MYOM2: variants seen among roughly 807,000 people sequenced by gnomAD.
MYOM2 encodes the protein myomesin-2.
MYOM2 carries 254 observed loss-of-function variants against 187.6 expected under a neutral mutation model. The observed-to-expected ratio is 1.35, with a 90% confidence interval of 1.22 to 1.50. The LOEUF (loss-of-function observed/expected upper bound fraction) is 1.50, where lower values mean the gene tolerates loss of function less well. Ranked by LOEUF, MYOM2 falls within the 40% of genes most tolerant of loss-of-function variation. MYOM2 has a pLI of 0.00. For synonymous variants in MYOM2, 981 were observed against 753.8 expected (o/e 1.30, Z -4.94); for missense variants, 2,796 against 1,924.0 (o/e 1.45, Z -8.48).
chr8:2,086,856 A>G (rs920338028), intron 14 of MYOM2, among the ~76,000 whole-genome samples: 2 of 152,186 alleles, frequency 1.3e-5, no homozygotes, highest in African/African-American at 2.4e-5. Flanking sequence ...CACAAGCCGT[A>G]TGGCCACTGG....
chr8:2,096,046 A>T (rs1351950189), intron 17 of MYOM2, among the ~76,000 whole-genome samples: 1 of 152,136 alleles, frequency 6.6e-6, no homozygotes, highest in African/African-American at 2.4e-5. Flanking sequence ...ATAAATTTTT[A>T]TTTATTTTTG....
At chr8:2,100,288 C>G (rs1352342261) in intron 19 of MYOM2, among the ~76,000 whole-genome samples, 1 of 151,962 alleles carries the variant, frequency 6.6e-6, no homozygotes, top group Non-Finnish European at 1.5e-5. Flanking sequence ...AAAAGTCATT[C>G]TAGTTTCCCG....
chr8:2,052,021 C>T, intron 2 of MYOM2, 137 bp from the exon 3 acceptor site: 1 of 1,016,240 alleles, frequency 9.8e-7, no homozygotes, highest in Non-Finnish European at 1.5e-6. Flanking sequence ...TCTCATATGC[C>T]TGTGCATGTG....
At chr8:2,110,405 T>G (rs1797029696) in intron 25 of MYOM2, among the ~76,000 whole-genome samples, 1 of 152,222 alleles carries the variant, frequency 6.6e-6, no homozygotes, top group Non-Finnish European at 1.5e-5. Flanking sequence ...AAAATGAACC[T>G]TAACAATTAT....
intron 17 of MYOM2, among the ~76,000 whole-genome samples, chr8:2,095,453 G>A (rs1275827290): frequency 2.0e-5 from 3 of 152,006 alleles, no homozygotes; most frequent in Non-Finnish European, 4.4e-5. Flanking sequence ...ACCACGCCCA[G>A]CTAATTTTTT....
At chr8:2,059,285 A>G in intron 6 of MYOM2, 40 bp downstream of exon 6, 1 of 1,566,608 alleles carries the variant, frequency 6.4e-7, no homozygotes, top group Non-Finnish European at 8.8e-7. Flanking sequence ...GGCGTCCAGT[A>G]ATCAGCATTG....
At position 2,050,752 on chromosome 8, in the gene MYOM2, T is replaced by C; in HGVS notation, c.-12-3T>C. 2 of 1,584,580 alleles carry C rather than the reference T, an allele frequency of 1.3e-6. No homozygotes were observed. The highest frequency in any genetic ancestry group is 1.7e-6 in the Non-Finnish European group (2 of 1,153,778). On this transcript the variant is annotated splice_region_variant and splice_polypyrimidine_tract_variant and intron_variant, in intron 1 of 36. Transcript: ENST00000262113. Reference sequence around the variant, plus strand: ...TCAGTGTTGTGTGTGACTCTCTTTGTAGGAGCACGCCAAGATGTCCCTTGT... The same window carrying C: ...TCAGTGTTGTGTGTGACTCTCTTTGCAGGAGCACGCCAAGATGTCCCTTGT...
chr8:2,086,308 C>T lies in MYOM2; in HGVS notation c.1644+918C>T, dbSNP rs1158354568. On this transcript the variant is annotated intron_variant, in intron 14 of 36. Transcript: ENST00000262113. ...ACTGTCGTGATCTCCGCGTGGCCCC[C>T]CACAGTCGTGATCTCTGCGTGGCCC... Among the ~76,000 whole-genome samples the T allele has an allele frequency of 2.0e-4, 17 of 86,840 alleles. 1 individual carries two copies. Among genetic ancestry groups the T allele is most frequent in the African/African-American group, 4.9e-4 (9 of 18,480 alleles). The allele number at this position is 86,840 out of a possible 152,430, so 57.0% of individuals were successfully genotyped here. A position where few individuals can be genotyped will look rare whatever the true frequency, so the allele number is the denominator to read the frequency against.
chr8:2,078,667 A>T (rs1273452009), intron 11 of MYOM2, 67 bp from the exon 12 acceptor site: 1 of 1,402,050 alleles, frequency 7.1e-7, no homozygotes, highest in Non-Finnish European at 1.0e-6. Flanking sequence ...ATATGCATAT[A>T]CCTATGTATA....
chr8:2,100,129 T>TTCCTTCTTTCTTTCCTTCC (rs1796648799), intron 19 of MYOM2, among the ~76,000 whole-genome samples: 1 of 45,528 alleles, frequency 2.2e-5, no homozygotes, highest in African/African-American at 8.2e-5. Flanking sequence ...TCCTTCCTTC[T>TTCCTTCTTTCTTTCCTTCC]TTCCTTCCTT....
Position 2,108,848 on chromosome 8 carries a change from C to T in MYOM2, c.3043+18C>T, listed in dbSNP as rs1796977496. On this transcript the variant is annotated intron_variant, in intron 24 of 36. Transcript: ENST00000262113. ...GAACCCCAGTAAGTAAGCCTCCAGC[C>T]CTTCCCCTCTGCTTGCAGCTGCTGG... 3 of 1,613,338 alleles carry T rather than the reference C, an allele frequency of 1.9e-6. No homozygotes were observed. Among genetic ancestry groups the T allele is most frequent in the Non-Finnish European group, 2.5e-6 (3 of 1,179,602 alleles).
intron 32 of MYOM2, among the ~76,000 whole-genome samples, 162 bp downstream of exon 32, chr8:2,129,394 G>A: frequency 6.6e-6 from 1 of 152,174 alleles, no homozygotes; most frequent in Non-Finnish European, 1.5e-5. Context: ...AGGGAAGGGG[G>A]CCCTCACGGC....
At chr8:2,076,307 G>C (rs747414404) in intron 11 of MYOM2, 25 bp downstream of exon 11, 1 of 1,611,252 alleles carries the variant, frequency 6.2e-7, no homozygotes, top group East Asian at 2.2e-5. Flanking sequence ...TTCTCCCGGG[G>C]ATGGGAACGT....
intron 18 of MYOM2, among the ~76,000 whole-genome samples, chr8:2,097,842 C>G (rs1796546020): frequency 6.6e-6 from 1 of 152,212 alleles, no homozygotes; most frequent in Non-Finnish European, 1.5e-5. Flanking sequence ...AAATGTTTTT[C>G]AAATATGTCT....
rs1305489381 is a variant in MYOM2 at position 2,106,707 on chromosome 8, G to A, written c.2998+110G>A. On this transcript the variant is annotated intron_variant, in intron 23 of 36. Transcript: ENST00000262113. ...CTTAGAAAAAAGACGTATGTTTGCA[G>A]GAGGCTGGCGGTGGGGGCTATGTAT... The A allele has an allele frequency of 6.4e-6, 5 of 784,918 alleles. No homozygotes were observed. In the African/African-American group the frequency reaches 7.0e-5, roughly 11 times the overall value. 48.6% of individuals were successfully genotyped at this position (784,918 alleles called of 1,614,324 possible).
At chr8:2,092,572 C>T (rs777795857) in intron 16 of MYOM2, 52 bp downstream of exon 16, 13 of 1,583,920 alleles carry the variant, frequency 8.2e-6, no homozygotes, top group African/African-American at 2.7e-5. Flanking sequence ...GTAGCAAGAC[C>T]GTTGAGGTCC....
intron 15 of MYOM2, 85 bp from the exon 16 acceptor site, chr8:2,092,261 C>T (rs929668031): frequency 2.0e-6 from 3 of 1,483,036 alleles, no homozygotes; most frequent in South Asian, 2.5e-5. Context: ...CTGTCCAGTT[C>T]CCTGTGAAAA....
chr8:2,094,986 C>T (rs774768056), intron 17 of MYOM2, among the ~76,000 whole-genome samples: 2 of 152,160 alleles, frequency 1.3e-5, no homozygotes, highest in African/African-American at 2.4e-5. Context: ...CATTTTGAAA[C>T]ACAAATGCCA....
rs761514238 is a variant in MYOM2 at position 2,106,380 on chromosome 8, T to C, written c.2873T>C (p.Ile958Thr). 3.7e-6 allele frequency: 6 copies of C among 1,613,994 alleles called. No homozygotes were observed. The highest frequency in any genetic ancestry group is 3.3e-4 in the Middle Eastern group (2 of 6,084). Residue 958 changes from isoleucine (I) to threonine (T), a missense_variant, in exon 22 of 37, where the codon ATT (isoleucine) becomes ACT (threonine). Coordinates refer to ENST00000262113, the MANE Select transcript of MYOM2 (RefSeq NM_003970.4). Reference protein sequence around the residue: ...EEISDDERFKIETVGDHSKLY... With the variant: ...EEISDDERFKTETVGDHSKLY... ...ATTTCAGATGATGAGAGGTTTAAAATTGAAACCGTGGGGGATCAGTAAGTG... is the reference window on the plus strand; with the variant it reads ...ATTTCAGATGATGAGAGGTTTAAAACTGAAACCGTGGGGGATCAGTAAGTG...
Sources: gnomAD v4.1 joint callset for allele counts (sites outside exome capture counted in the v4.1 genomes callset) on GRCh38, gnomAD v4.1.1 for gene constraint, MANE v1.5 for transcripts, NCBI Gene and HGNC (gene_info 2026-07-23, HGNC 2026-07-21) for gene names.